Variants in AKNA observed in about 807,000 individuals in gnomAD.
The protein encoded by AKNA is AT-hook transcription factor.
Under a neutral mutation model 138.8 loss-of-function variants are expected in AKNA, and 67 were observed. That is an observed-to-expected ratio of 0.48 (90% CI 0.40 to 0.59). The LOEUF (loss-of-function observed/expected upper bound fraction) is 0.59. Among genes scored for constraint, AKNA ranks in the 20% least tolerant of loss-of-function variants. AKNA has a pLI of 0.00. For synonymous variants in AKNA, 737 were observed against 754.4 expected, an observed-to-expected ratio of 0.98 and a Z score of 0.38; for missense variants, 1,813 against 1,880.4, an observed-to-expected ratio of 0.96 and a Z score of 0.66.
chr9:114,350,320 G>A (rs762904334), intron 15 of AKNA, among the ~76,000 whole-genome samples: 7 of 152,124 alleles, frequency 4.6e-5, no homozygotes, highest in Admixed American at 1.3e-4. Context: ...TCTCCCCAGC[G>A]CATCCCGGGA....
chr9:114,388,250 G>A (rs1197614011), upstream of AKNA, among the ~76,000 whole-genome samples: 2 of 152,200 alleles, frequency 1.3e-5, no homozygotes, highest in Non-Finnish European at 2.9e-5. Flanking sequence ...CCCAGGCCCT[G>A]CAGGTACAGA....
intron 2 of AKNA, among the ~76,000 whole-genome samples, chr9:114,379,650 T>C (rs1037913728): frequency 1.3e-5 from 2 of 152,180 alleles, no homozygotes; most frequent in Non-Finnish European, 2.9e-5. Flanking sequence ...ATAATCTAAG[T>C]GCAATAGTTA....
intron 16 of AKNA, 107 bp from the exon 17 acceptor site, chr9:114,346,891 G>C: frequency 1.1e-6 from 1 of 929,344 alleles, no homozygotes; most frequent in Non-Finnish European, 1.6e-6. Context: ...CACGATGGAA[G>C]GAAGAGAGTA....
intron 15 of AKNA, among the ~76,000 whole-genome samples, 158 bp from the exon 16 acceptor site, chr9:114,348,058 T>G (rs1255187049): frequency 6.6e-6 from 1 of 152,194 alleles, no homozygotes; most frequent in Non-Finnish European, 1.5e-5. Context: ...TGTGCGACAC[T>G]TTTCTTGCTA....
At chr9:114,383,273 T>C (rs1589034003) in intron 1 of AKNA, 1 of 451,250 alleles carries the variant, frequency 2.2e-6, no homozygotes, top group East Asian at 7.0e-5. Context: ...CTCAACCCTC[T>C]CCTTCTTTCC....
At chr9:114,392,643 C>T (rs1266156040), upstream of AKNA, among the ~76,000 whole-genome samples, 2 of 152,216 alleles carry the variant, frequency 1.3e-5, no homozygotes, top group African/African-American at 4.8e-5. Flanking sequence ...TTGCCTTTTC[C>T]GTGAAACGCC....
At chr9:114,362,277 A>G in intron 8 of AKNA, 129 bp downstream of exon 8, 4 of 1,351,640 alleles carry the variant, frequency 3.0e-6, no homozygotes, top group Non-Finnish European at 3.9e-6. Flanking sequence ...TATGTATACT[A>G]ATTAGGATAA....
upstream of AKNA, among the ~76,000 whole-genome samples, chr9:114,390,676 A>G (rs899305664): frequency 6.6e-6 from 1 of 152,206 alleles, no homozygotes; most frequent in Non-Finnish European, 1.5e-5. Context: ...TCTGAGAAAG[A>G]AGATGAAACT....
intron 6 of AKNA, 99 bp from the exon 7 acceptor site, chr9:114,364,718 G>A (rs768838865): frequency 8.7e-5 from 111 of 1,270,170 alleles, no homozygotes; most frequent in South Asian, 1.3e-4. Flanking sequence ...AGCTGGGTCC[G>A]TCCTCAGGAT....
intron 15 of AKNA, among the ~76,000 whole-genome samples, chr9:114,350,044 TTGTC>T (rs1407539015): frequency 1.3e-5 from 2 of 152,172 alleles, no homozygotes; most frequent in East Asian, 3.9e-4. Context: ...GCCTGTTTCT[TTGTC>T]TGTTCATCCT....
chr9:114,367,054 T>C (rs1000334837), intron 6 of AKNA, among the ~76,000 whole-genome samples: 4 of 152,208 alleles, frequency 2.6e-5, no homozygotes, highest in African/African-American at 7.2e-5. Context: ...ATAAAGCCAA[T>C]GTACAGTTAT....
intron 6 of AKNA, among the ~76,000 whole-genome samples, chr9:114,365,084 G>A (rs1283577665): frequency 3.3e-5 from 5 of 152,102 alleles, no homozygotes; most frequent in African/African-American, 7.2e-5. Flanking sequence ...TAGAATATGT[G>A]GAGAGTAAAA....
At chr9:114,378,598 G>A (rs1833413565) in intron 2 of AKNA, among the ~76,000 whole-genome samples, 1 of 152,160 alleles carries the variant, frequency 6.6e-6, no homozygotes, top group South Asian at 2.1e-4. Flanking sequence ...AGGAGGGAGA[G>A]AGGAAGATAA....
chr9:114,357,818 T>C (rs1831610279), intron 12 of AKNA, 103 bp downstream of exon 12: 4 of 1,539,536 alleles, frequency 2.6e-6, no homozygotes, highest in East Asian at 4.7e-5. Context: ...GCAGCAAGTA[T>C]TCCAAGAAGG....
rs145780488 is a variant in AKNA at position 114,376,973 on chromosome 9, A to G, written c.834T>C (p.Asp278=). ...PPAQSPQHAT[D]RWRRETTRFF... is the part of the protein sequence containing the mutation. Reference sequence around the variant, plus strand: ...ATCTGGTCGTTTCTCTCCTCCATCTATCTGTGGCATGCTGCGGACTCTGGG... The same window carrying G: ...ATCTGGTCGTTTCTCTCCTCCATCTGTCTGTGGCATGCTGCGGACTCTGGG... Residue 278 remains aspartate (D), a synonymous_variant, in exon 3 of 22, where the codon GAT becomes GAC. Coordinates refer to ENST00000374088, the MANE Select transcript of AKNA (RefSeq NM_001317950.2). 1.9e-6 allele frequency: 3 copies of G among 1,613,998 alleles called. No homozygotes were observed. Among genetic ancestry groups the G allele is most frequent in the Admixed American group, 3.3e-5 (2 of 59,994 alleles).
At chr9:114,346,901 A>T (rs779995812) in intron 16 of AKNA, 117 bp from the exon 17 acceptor site, 75 of 837,438 alleles carry the variant, frequency 9.0e-5, no homozygotes, top group Non-Finnish European at 1.4e-4. Context: ...GGAAGAGAGT[A>T]TAGAAGTCAA....
At chr9:114,359,525 C>A (rs2131908766) in intron 11 of AKNA, 69 bp downstream of exon 11, 3 of 1,611,960 alleles carry the variant, frequency 1.9e-6, no homozygotes, top group Non-Finnish European at 2.5e-6. Flanking sequence ...CTTATTCACT[C>A]TGACAGTGAT....
chr9:114,381,391 CA>C lies in AKNA; in HGVS notation c.-59del. ...CATCTTCAGGAGACAGAGCTGCTGC[CA>C]GGGGCCCCAGAGTCACCGCTGGTTC... is the stretch of plus-strand genomic sequence containing the variant. On this transcript the variant is annotated 5_prime_UTR_variant, in exon 2 of 22. An upstream open reading frame in the 5' UTR loses its in-frame stop. Coordinates refer to ENST00000374088, the MANE Select transcript of AKNA (RefSeq NM_001317950.2). The C allele has an allele frequency of 6.8e-7, 1 of 1,467,774 alleles. No homozygotes were observed. 90.9% of individuals were successfully genotyped at this position (1,467,774 alleles called of 1,614,324 possible).
intron 9 of AKNA, among the ~76,000 whole-genome samples, 171 bp downstream of exon 9, chr9:114,361,533 C>T (rs1831959713): frequency 6.6e-6 from 1 of 152,178 alleles, no homozygotes; most frequent in Admixed American, 6.5e-5. Flanking sequence ...GAATCCCTAC[C>T]ATGTGTCATG....
Sources: allele counts gnomAD v4.1 joint callset (sites outside exome capture counted in the v4.1 genomes callset), GRCh38; gene constraint gnomAD v4.1.1; transcripts MANE v1.5; gene names NCBI Gene and HGNC (gene_info 2026-07-23, HGNC 2026-07-21).